The following HIC2 variants were observed in gnomAD, a reference collection of about 807,000 sequenced individuals.
The protein encoded by HIC2 is HIC ZBTB transcriptional repressor 2, also known as hypermethylated in cancer 2 protein.
Under a neutral mutation model 39.5 loss-of-function variants are expected in HIC2, and 2 were observed. That is an observed-to-expected ratio of 0.05 (90% confidence interval 0.02 to 0.16). The LOEUF (loss-of-function observed/expected upper bound fraction) is 0.16, where lower values mean the gene tolerates loss of function less well. Among genes scored for constraint, HIC2 ranks in the 10% least tolerant of loss-of-function variants. The pLI is 1.00. For missense variants in HIC2, 713 were observed against 863.5 expected (o/e 0.83, Z 2.18); for synonymous variants, 399 against 368.8 (o/e 1.08, Z -0.94).
chr22:21,447,508 G>A lies in HIC2; in HGVS notation c.*765G>A, dbSNP rs748557843. The A allele has an allele frequency of 2.6e-5, 4 of 152,596 alleles. No individual in the cohort carries two copies. The highest frequency in any genetic ancestry group is 1.3e-4 in the Admixed American group (2 of 15,268). 9.5% of individuals were successfully genotyped at this position (152,596 alleles called of 1,614,324 possible). ...CCGGCTCTGGCGCTGCAGGGGTGTC[G>A]GCGCGCCACCTCTCCAGGCCCCAGA... On this transcript the variant is annotated 3_prime_UTR_variant, in exon 3 of 3. Transcript: ENST00000407464.
chr22:21,445,850 C>A lies in HIC2; in HGVS notation c.955C>A (p.Leu319Met). 1 of 1,590,636 alleles carries A rather than the reference C, an allele frequency of 6.3e-7. No individual in the cohort carries two copies. Reference protein sequence around the residue: ...EGAEDNHLSLLEAPGGQPRKS... With the variant: ...EGAEDNHLSLMEAPGGQPRKS... ...GGCCGAGGACAACCACCTGAGCCTG[C>A]TGGAGGCGCCTGGTGGGCAGCCTCG... Residue 319 changes from leucine (L) to methionine (M), a missense_variant, in exon 3 of 3, where the codon CTG becomes ATG. Physicochemically the swap from Leu to Met is conservative, Grantham distance 15 (BLOSUM62 2). This residue lies in a region of HIC2 where 457 missense variants were observed against 420.2 expected (regional missense o/e 1.09). Transcript: ENST00000407464.
At position 21,446,191 on chromosome 22, in the gene HIC2, C is replaced by T. The variant is rs747158166; in HGVS notation, c.1296C>T (p.Tyr432=). The T allele has an allele frequency of 3.9e-5, 63 of 1,610,932 alleles. No individual in the cohort carries two copies. Among genetic ancestry groups the T allele is most frequent in the Non-Finnish European group, 4.4e-5 (52 of 1,179,994 alleles). ...SAHYMYRQEG[Y]ETVSYGDNLY... ...ACTACATGTACCGGCAGGAGGGCTA[C>T]GAGACGGTGTCCTACGGGGACAACT... The change falls in exon 3 of 3, where the codon TAC becomes TAT. Residue 432 remains tyrosine (Y), a synonymous_variant. Transcript: ENST00000407464.
At position 21,445,640 on chromosome 22, in the gene HIC2, C is replaced by T. The variant is rs746867585; in HGVS notation, c.745C>T (p.Leu249=). 3.1e-6 allele frequency: 5 copies of T among 1,597,026 alleles called. No homozygotes were observed. Among genetic ancestry groups the T allele is most frequent in the Non-Finnish European group, 4.3e-6 (5 of 1,172,662 alleles). The change falls in exon 3 of 3, where the codon CTG becomes TTG. Residue 249 remains leucine, a synonymous_variant. Coordinates refer to ENST00000407464, the MANE Select transcript of HIC2 (RefSeq NM_015094.3). ...GGCEQELGLD[L]SKKSPPLPPA... ...CTGCGAGCAGGAGCTGGGCTTGGAC[C>T]TGTCCAAGAAAAGCCCACCCTTGCC...
At chr22:21,432,617 G>A (rs1359674494) in intron 1 of HIC2, among the ~76,000 whole-genome samples, 2 of 130,974 alleles carry the variant, frequency 1.5e-5, no homozygotes, top group African/African-American at 3.1e-5. Context: ...CGGAGGTTGC[G>A]GTGAGCCGAG....
At chr22:21,431,956 G>A (rs1923325012) in intron 1 of HIC2, among the ~76,000 whole-genome samples, 2 of 133,850 alleles carry the variant, frequency 1.5e-5, no homozygotes, top group Middle Eastern at 3.8e-3. Flanking sequence ...GGGCCACAGA[G>A]CAAGACCCTG....
At chr22:21,443,821 G>A (rs994624205) in intron 2 of HIC2, among the ~76,000 whole-genome samples, 11 of 152,148 alleles carry the variant, frequency 7.2e-5, no homozygotes, top group Non-Finnish European at 1.6e-4. Flanking sequence ...TTAGGGCTGA[G>A]GATGGCTTTG....
Position 21,446,434 on chromosome 22 carries a change from C to G in HIC2, c.1539C>G (p.Thr513=). The G allele has an allele frequency of 1.2e-6, 2 of 1,612,140 alleles. No individual in the cohort carries two copies. The highest frequency in any genetic ancestry group is 1.1e-5 in the South Asian group (1 of 91,084). The change falls in exon 3 of 3, where the codon ACC becomes ACG. Residue 513 remains threonine, a synonymous_variant. Transcript: ENST00000407464. ...TCAAGTGTTCGGTCTGCGAGAAGAC[C>G]TACAAGGACCCAGCCACGCTGCGGC... ...RPFKCSVCEK[T]YKDPATLRQH... is the part of the protein sequence containing the mutation.
rs1417917869 is a variant in HIC2 at position 21,449,460 on chromosome 22, C to G, written c.*2717C>G. On this transcript the variant is annotated 3_prime_UTR_variant, in exon 3 of 3. Coordinates refer to ENST00000407464, the MANE Select transcript of HIC2 (RefSeq NM_015094.3). Reference sequence around the variant, plus strand: ...TAAGCTCATACCCAAATTCACAAAGCCTATTTTTTAAACCAAAGCACATTT... The same window carrying G: ...TAAGCTCATACCCAAATTCACAAAGGCTATTTTTTAAACCAAAGCACATTT... 6.5e-6 allele frequency: 1 copy of G among 152,688 alleles called. No homozygotes were observed. Among genetic ancestry groups the G allele is most frequent in the Non-Finnish European group, 1.5e-5 (1 of 68,030 alleles). 9.5% of individuals were successfully genotyped at this position (152,688 alleles called of 1,614,324 possible). A position where few individuals can be genotyped will look rare whatever the true frequency, so the allele number is the denominator to read the frequency against.
rs1416763115 is a variant in HIC2 at position 21,432,124 on chromosome 22, G to T, written c.-73-10635G>T. Among the ~76,000 whole-genome samples the T allele has an allele frequency of 3.0e-4, 31 of 102,152 alleles. 1 individual carries two copies. The highest frequency in any genetic ancestry group is 1.1e-3 in the African/African-American group (31 of 27,532). The allele number at this position is 102,152 out of a possible 152,430, so 67.0% of individuals were successfully genotyped here. A position where few individuals can be genotyped will look rare whatever the true frequency, so the allele number is the denominator to read the frequency against. On this transcript the variant is annotated intron_variant, in intron 1 of 2. Coordinates refer to ENST00000407464, the MANE Select transcript of HIC2 (RefSeq NM_015094.3). ...GTTTGTGTGTTGATTACCTATGAAG[G>T]AGCAAGTGGGCTGTTTCCTTCTCCC...
rs1208369742 is a variant in HIC2, at chr22:21,451,381, CCATT to C, written c.*4641_*4644del. ...AGCAATTCACCAACGACTGATCTCT[CCATT>C]CAGAAGTGTGCAGTCTTAAATGTAC... On this transcript the variant is annotated 3_prime_UTR_variant, in exon 3 of 3. Transcript: ENST00000407464. 6.5e-6 allele frequency: 1 copy of C among 152,780 alleles called. No individual in the cohort carries two copies. Among genetic ancestry groups the C allele is most frequent in the Non-Finnish European group, 1.5e-5 (1 of 68,052 alleles). The allele number at this position is 152,780 out of a possible 1,614,324, so 9.5% of individuals were successfully genotyped here.
chr22:21,443,942 G>C (rs1350677095), intron 2 of HIC2, among the ~76,000 whole-genome samples: 1 of 152,240 alleles, frequency 6.6e-6, no homozygotes, highest in Non-Finnish European at 1.5e-5. Context: ...GGTGCCCACT[G>C]TGCACCCATT....
rs1333904080 is a variant in HIC2 at position 21,445,498 on chromosome 22, C to T, written c.603C>T (p.Leu201=). ...AAGCCAAAGGCTCAGACGATGAACTCTTTCTTGGTGGCTCTAACCAGGATA... is the reference window on the plus strand; with the variant it reads ...AAGCCAAAGGCTCAGACGATGAACTTTTTCTTGGTGGCTCTAACCAGGATA... ...LPQAKGSDDE[L]FLGGSNQDSV... The change falls in exon 3 of 3, where the codon CTC becomes CTT. Residue 201 remains leucine (L), a synonymous_variant. Coordinates refer to ENST00000407464, the MANE Select transcript of HIC2 (RefSeq NM_015094.3). 1.9e-6 allele frequency: 3 copies of T among 1,589,296 alleles called. No individual in the cohort carries two copies. Among genetic ancestry groups the T allele is most frequent in the Non-Finnish European group, 2.6e-6 (3 of 1,170,794 alleles).
At chr22:21,443,523 C>T (rs8135862) in intron 2 of HIC2, among the ~76,000 whole-genome samples, 2,144 of 152,056 alleles carry the variant, frequency 0.014, 53 homozygotes, top group African/African-American at 0.049. Flanking sequence ...TCCCAGAGGG[C>T]GGTGGGCTCA....
In HIC2 at chr22:21,449,397, A is replaced by G. The variant is rs1202759523; in HGVS notation, c.*2654A>G. On this transcript the variant is annotated 3_prime_UTR_variant, in exon 3 of 3. Coordinates refer to ENST00000407464, the MANE Select transcript of HIC2 (RefSeq NM_015094.3). ...AATCAGAAAATAGCAGATATCATGT[A>G]GGAAAGAGAGGATAAACAAAGAAAA... The G allele has an allele frequency of 6.5e-6, 1 of 152,768 alleles. No individual in the cohort carries two copies. Among genetic ancestry groups the G allele is most frequent in the East Asian group, 1.9e-4 (1 of 5,332 alleles). 9.5% of individuals were successfully genotyped at this position (152,768 alleles called of 1,614,324 possible).
chr22:21,444,093 G>A (rs866224217), intron 2 of HIC2, among the ~76,000 whole-genome samples: 24 of 152,240 alleles, frequency 1.6e-4, no homozygotes, highest in Admixed American at 6.5e-4. Flanking sequence ...CACCTGGGCC[G>A]TCAGAGTTCC....
Position 21,445,305 on chromosome 22 carries a change from G to A in HIC2, c.410G>A (p.Arg137His), listed in dbSNP as rs756726156. Residue 137 changes from arginine (R) to histidine (H), a missense_variant, in exon 3 of 3, where the codon CGC becomes CAC. By Grantham distance (29) the Arg-to-His change is conservative. Transcript: ENST00000407464. ...CCCGAGTTGGCAGCCCTCTGCCGCCGCAAACTCAAGCGAGCCGGCAAGCCC... is the reference window on the plus strand; with the variant it reads ...CCCGAGTTGGCAGCCCTCTGCCGCCACAAACTCAAGCGAGCCGGCAAGCCC... Reference protein sequence around the residue: ...QLPELAALCRRKLKRAGKPFG... With the variant: ...QLPELAALCRHKLKRAGKPFG... 5.0e-6 allele frequency: 8 copies of A among 1,605,358 alleles called. No homozygotes were observed. The highest frequency in any genetic ancestry group is 2.2e-5 in the East Asian group (1 of 44,826).
At position 21,444,788 on chromosome 22, in the gene HIC2, C is replaced by T; in HGVS notation, c.27-134C>T. Reference sequence around the variant, plus strand: ...GCATTGTGGGCTTATGTGCCGTGTACTGTGCCGCAGGGGCTCCTGCCCTAT... The same window carrying T: ...GCATTGTGGGCTTATGTGCCGTGTATTGTGCCGCAGGGGCTCCTGCCCTAT... On this transcript the variant is annotated intron_variant, in intron 2 of 2. Transcript: ENST00000407464. 4 of 913,648 alleles carry T rather than the reference C, an allele frequency of 4.4e-6. No homozygotes were observed. In the South Asian group the frequency reaches 5.0e-5, roughly 11 times the overall value. The allele number at this position is 913,648 out of a possible 1,614,324, so 56.6% of individuals were successfully genotyped here.
chr22:21,446,057 T>G lies in HIC2; in HGVS notation c.1162T>G (p.Tyr388Asp), dbSNP rs1437262226. ...LASGAGPSGP[Y>D]GEPPYPCKEE... ...TAGTGGGGCTGGCCCTAGCGGGCCC[T>G]ATGGGGAGCCCCCCTACCCCTGCAA... The change falls in exon 3 of 3, where the codon TAT (tyrosine) becomes GAT (aspartate). Residue 388 changes from tyrosine to aspartate, a missense_variant. Around this residue, in one of 5 missense-constraint regions of HIC2, gnomAD observed 457 missense variants for 420.2 expected, o/e 1.09. Transcript: ENST00000407464. 7 of 1,605,892 alleles carry G rather than the reference T, an allele frequency of 4.4e-6. No homozygotes were observed. Among genetic ancestry groups the G allele is most frequent in the Non-Finnish European group, 5.9e-6 (7 of 1,178,420 alleles).
Position 21,446,356 on chromosome 22 carries a change from G to A in HIC2, c.1461G>A (p.Glu487=), listed in dbSNP as rs770270391. 11 of 1,612,818 alleles carry A rather than the reference G, an allele frequency of 6.8e-6. No individual in the cohort carries two copies. Among genetic ancestry groups the A allele is most frequent in the South Asian group, 1.1e-5 (1 of 91,088 alleles). Residue 487 remains glutamate, a synonymous_variant, in exon 3 of 3, where the codon GAG becomes GAA. Coordinates refer to ENST00000407464, the MANE Select transcript of HIC2 (RefSeq NM_015094.3). ...CAGGCAGTGGGGGTGCCGAGGAGGA[G>A]GCCGAGGACCTGTCAGCACCCAGTG... ...YETGSGGAEE[E]AEDLSAPSAA...
Sources: gnomAD v4.1 joint callset for allele counts (sites outside exome capture counted in the v4.1 genomes callset) on GRCh38, gnomAD v4.1.1 for gene constraint, gnomAD v4.1.1 regional missense constraint, MANE v1.5 for transcripts, NCBI Gene and HGNC (gene_info 2026-07-23, HGNC 2026-07-21) for gene names.